The following ATP6V1H variants were observed in gnomAD, a reference collection of about 807,000 sequenced individuals.
ATP6V1H encodes the protein ATPase H+ transporting V1 subunit H.
In ATP6V1H, 39 loss-of-function variants were observed where a neutral mutation model predicts 71.7. That is an observed-to-expected ratio of 0.54 (90% CI 0.42 to 0.71). The LOEUF (loss-of-function observed/expected upper bound fraction) is 0.71. Among genes scored for constraint, ATP6V1H ranks in the 30% least tolerant of loss-of-function variants. The pLI is 0.00. For missense variants in ATP6V1H, 509 were observed against 594.9 expected (o/e 0.86, Z 1.50); for synonymous variants, 192 against 199.3 (o/e 0.96, Z 0.31).
chr8:53,735,117 A>T (rs2130145858), intron 13 of ATP6V1H, among the ~76,000 whole-genome samples: 1 of 152,352 alleles, frequency 6.6e-6, no homozygotes, highest in East Asian at 1.9e-4. Context: ...TGCCCGGCAT[A>T]CTAGCTTATG....
At chr8:53,769,034 G>A (rs1336030808) in intron 11 of ATP6V1H, among the ~76,000 whole-genome samples, 2 of 151,996 alleles carry the variant, frequency 1.3e-5, no homozygotes, top group African/African-American at 2.4e-5. Context: ...AAATGGGGCT[G>A]GTTCAATTAG....
intron 2 of ATP6V1H, among the ~76,000 whole-genome samples, chr8:53,837,559 AG>A (rs1263177475): frequency 6.6e-6 from 1 of 151,914 alleles, no homozygotes; most frequent in African/African-American, 2.4e-5. Flanking sequence ...ACACAAATGA[AG>A]TGAATGAAGA....
intron 13 of ATP6V1H, among the ~76,000 whole-genome samples, chr8:53,725,166 T>G (rs1000601515): frequency 6.6e-6 from 1 of 152,218 alleles, no homozygotes; most frequent in African/African-American, 2.4e-5. Flanking sequence ...GCCCTCATGA[T>G]CGGATTAATC....
chr8:53,791,674 C>T (rs964002923), intron 9 of ATP6V1H, among the ~76,000 whole-genome samples: 3 of 152,192 alleles, frequency 2.0e-5, no homozygotes, highest in African/African-American at 7.2e-5. Context: ...TGAGCCCTCT[C>T]TTCTCCTCAC....
At chr8:53,839,913 T>A (rs1461920575) in intron 2 of ATP6V1H, 1 of 985,530 alleles carries the variant, frequency 1.0e-6, no homozygotes, top group East Asian at 1.1e-4. Context: ...ACACACAGCA[T>A]CTTCACGATC....
chr8:53,817,872 G>C (rs151052742), intron 4 of ATP6V1H, among the ~76,000 whole-genome samples: 1 of 152,014 alleles, frequency 6.6e-6, no homozygotes, highest in Non-Finnish European at 1.5e-5. Context: ...GCTGCCATAC[G>C]AGGGAAATCA....
At chr8:53,809,889 C>T (rs1249811210) in intron 7 of ATP6V1H, among the ~76,000 whole-genome samples, 8 of 152,156 alleles carry the variant, frequency 5.3e-5, no homozygotes, top group African/African-American at 1.7e-4. Flanking sequence ...CCCAGGATCG[C>T]GTATCTAGTT....
chr8:53,772,220 TTCAGAGA>T, intron 9 of ATP6V1H, 53 bp from the exon 10 acceptor site: 2 of 1,393,132 alleles, frequency 1.4e-6, no homozygotes, highest in Non-Finnish European at 2.0e-6. Context: ...ATGTGATGGA[TTCAGAGA>T]CCTCTGCACA....
At chr8:53,743,123 C>A (rs546020701) in intron 13 of ATP6V1H, among the ~76,000 whole-genome samples, 10 of 152,272 alleles carry the variant, frequency 6.6e-5, no homozygotes, top group African/African-American at 2.2e-4. Context: ...ACTTCAAAAG[C>A]AAAAACTATA....
chr8:53,743,503 C>A, intron 13 of ATP6V1H, 74 bp downstream of exon 13: 1 of 1,025,678 alleles, frequency 9.7e-7, no homozygotes, highest in Admixed American at 1.9e-5. Context: ...AAAGCATTTG[C>A]ATAAGAACTT....
chr8:53,801,865 C>A lies in ATP6V1H; in HGVS notation c.611G>T (p.Cys204Phe). 1.2e-6 allele frequency: 2 copies of A among 1,613,992 alleles called. No individual in the cohort carries two copies. ...ATTGACCCGGAGCATCAGCTGCAAA[C>A]ACCCGGCCACGCACTGCACATACTG... The part of the protein sequence containing the change: ...SSQYVQCVAG[C>F]LQLMLRVNEY... Residue 204 changes from cysteine (C) to phenylalanine (F), a missense_variant, in exon 8 of 14, where the codon TGT becomes TTT. Around this residue, in one of 2 missense-constraint regions of ATP6V1H, gnomAD observed 297 missense variants for 303.3 expected, o/e 0.98. Coordinates refer to ENST00000359530, the MANE Select transcript of ATP6V1H (RefSeq NM_015941.4).
chr8:53,752,549 T>C (rs978120559), intron 12 of ATP6V1H, among the ~76,000 whole-genome samples: 8 of 152,180 alleles, frequency 5.3e-5, no homozygotes, highest in African/African-American at 1.7e-4. Flanking sequence ...GTATAGATAC[T>C]TTCTTTTTTT....
intron 13 of ATP6V1H, among the ~76,000 whole-genome samples, chr8:53,720,175 T>G (rs1201562459): frequency 6.6e-6 from 1 of 152,236 alleles, no homozygotes; most frequent in Admixed American, 6.5e-5. Context: ...TCTTTGCTTC[T>G]GCCACCTAAG....
chr8:53,762,253 T>C (rs1377120723), intron 11 of ATP6V1H, among the ~76,000 whole-genome samples: 2 of 147,906 alleles, frequency 1.4e-5, no homozygotes, highest in African/African-American at 2.5e-5. Context: ...ACAAGATCTA[T>C]AGGAACACTA....
At chr8:53,802,684 C>A (rs1009057232) in intron 7 of ATP6V1H, among the ~76,000 whole-genome samples, 58 of 152,088 alleles carry the variant, frequency 3.8e-4, no homozygotes, top group African/African-American at 1.3e-3. Flanking sequence ...CACACCACTG[C>A]ACTCCAGCCT....
intron 8 of ATP6V1H, among the ~76,000 whole-genome samples, chr8:53,800,755 A>T (rs758759506): frequency 2.0e-5 from 3 of 152,200 alleles, no homozygotes; most frequent in Non-Finnish European, 4.4e-5. Context: ...TTTTACAAAA[A>T]GGTTTGCTAT....
intron 13 of ATP6V1H, among the ~76,000 whole-genome samples, chr8:53,716,335 A>G (rs1806422489): frequency 6.6e-6 from 1 of 152,226 alleles, no homozygotes; most frequent in Admixed American, 6.5e-5. Context: ...TTCCTGGGGA[A>G]AGACTACTTT....
rs57348174 is a variant in ATP6V1H, at chr8:53,769,698, T to C, written c.1095A>G (p.Glu365=). Residue 365 remains glutamate (E), a synonymous_variant, in exon 11 of 14, where the codon GAA becomes GAG. Coordinates refer to ENST00000359530, the MANE Select transcript of ATP6V1H (RefSeq NM_015941.4). ...YSSELKSGRL[E]WSPVHKSEKF... is the part of the protein sequence containing the mutation. ...TCTCAGATTTGTGCACAGGACTCCA[T>C]TCCAACCTTCCAGATTTAAGTTCTG... is the stretch of plus-strand genomic sequence containing the variant. 5.0e-4 allele frequency: 808 copies of C among 1,612,504 alleles called. 3 individuals are homozygous for C. The African/African-American group carries it at 8.9e-3, about 18-fold the overall frequency.
At chr8:53,829,667 T>C (rs1810941710) in intron 3 of ATP6V1H, 134 bp from the exon 4 acceptor site, 3 of 559,846 alleles carry the variant, frequency 5.4e-6, no homozygotes, top group Middle Eastern at 3.5e-4. Context: ...ACAGAAAACA[T>C]ATACCTTTTA....
Sources: allele counts gnomAD v4.1 joint callset (sites outside exome capture counted in the v4.1 genomes callset), GRCh38; gene constraint gnomAD v4.1.1; regional missense constraint gnomAD v4.1.1; transcripts MANE v1.5; gene names NCBI Gene and HGNC (gene_info 2026-07-23, HGNC 2026-07-21).